MAGI3: variants seen among roughly 807,000 people sequenced by gnomAD.
The protein encoded by MAGI3 is membrane associated guanylate kinase, WW and PDZ domain containing 3, also known as membrane-associated guanylate kinase, WW and PDZ domain-containing protein 3.
A neutral mutation model predicts 121.8 loss-of-function variants in MAGI3; 43 were observed. The ratio of observed to expected loss-of-function variants is 0.35; its 90% confidence interval spans 0.28 to 0.46. The LOEUF (loss-of-function observed/expected upper bound fraction) is 0.46, where lower values mean the gene tolerates loss of function less well. Ranked by LOEUF, MAGI3 falls within the 20% of genes least tolerant of loss-of-function variation. The pLI, the probability that MAGI3 is intolerant of heterozygous loss-of-function variation, is 1.00. For synonymous variants in MAGI3, 553 were observed against 639.3 expected (o/e 0.86, Z 2.04); for missense variants, 1,547 against 1,797.3 (o/e 0.86, Z 2.52).
chr1:113,672,374 C>G (rs1420381014), intron 17 of MAGI3, among the ~76,000 whole-genome samples: 2 of 152,138 alleles, frequency 1.3e-5, no homozygotes, highest in Non-Finnish European at 2.9e-5. Context: ...TTGATATAAA[C>G]TGCTCTGAGA....
intron 18 of MAGI3, 21 bp from the exon 19 acceptor site, chr1:113,673,301 C>T: frequency 6.2e-7 from 1 of 1,604,866 alleles, no homozygotes; most frequent in Non-Finnish European, 8.5e-7. Context: ...ACTTGCTTTT[C>T]TTATACTTCT....
chr1:113,594,613 C>A, intron 6 of MAGI3, 53 bp downstream of exon 6: 1 of 1,460,824 alleles, frequency 6.8e-7, no homozygotes, highest in Non-Finnish European at 9.4e-7. Context: ...TCCTTTCTTG[C>A]TCTTCTTGCT....
intron 18 of MAGI3, 114 bp from the exon 19 acceptor site, chr1:113,673,208 G>A (rs950195788): frequency 1.9e-4 from 236 of 1,257,014 alleles, no homozygotes; most frequent in Non-Finnish European, 2.4e-4. Flanking sequence ...TTACAATATA[G>A]AAATGCACAT....
At chr1:113,486,302 T>C (rs1289211644) in intron 1 of MAGI3, among the ~76,000 whole-genome samples, 1 of 152,224 alleles carries the variant, frequency 6.6e-6, no homozygotes, top group Non-Finnish European at 1.5e-5. Context: ...CTTTTGGCCG[T>C]ATGGTCATTT....
intron 1 of MAGI3, among the ~76,000 whole-genome samples, chr1:113,478,433 TTGACGTTGA>T (rs1260898181): frequency 6.6e-6 from 1 of 152,146 alleles, no homozygotes; most frequent in Non-Finnish European, 1.5e-5. Flanking sequence ...GACCTTTTTG[TTGACGTTGA>T]TGCTATTCCT....
At chr1:113,662,515 A>T (rs1377650567) in intron 16 of MAGI3, among the ~76,000 whole-genome samples, 4 of 152,180 alleles carry the variant, frequency 2.6e-5, no homozygotes, top group Non-Finnish European at 5.9e-5. Context: ...AGTGAACATG[A>T]CTTACCAAAG....
At chr1:113,512,467 T>C (rs184305970) in intron 1 of MAGI3, among the ~76,000 whole-genome samples, 1 of 152,352 alleles carries the variant, frequency 6.6e-6, no homozygotes, top group East Asian at 1.9e-4. Context: ...TTATTCTTTC[T>C]CCTCAACATG....
Position 113,683,631 on chromosome 1 carries a change from G to C in MAGI3, c.4063G>C (p.Glu1355Gln), listed in dbSNP as rs1434797399. Residue 1355 changes from glutamate (E) to glutamine (Q), a missense_variant, in exon 21 of 21, where the codon GAG becomes CAG. By Grantham distance (29) the Glu-to-Gln change is conservative. Transcript: ENST00000307546. ...QLEKSRTRSP[E>Q]KKIKRMVEKS... ...GGAAAAAAGCAGAACAAGGTCTCCAGAGAAAAAAATCAAAAGAATGGTTGA... is the reference window on the plus strand; with the variant it reads ...GGAAAAAAGCAGAACAAGGTCTCCACAGAAAAAAATCAAAAGAATGGTTGA... 6.2e-7 allele frequency: 1 copy of C among 1,612,830 alleles called. No individual in the cohort carries two copies. Among genetic ancestry groups the C allele is most frequent in the Non-Finnish European group, 8.5e-7 (1 of 1,179,552 alleles).
At chr1:113,423,896 G>A (rs1652860570) in intron 1 of MAGI3, among the ~76,000 whole-genome samples, 1 of 152,126 alleles carries the variant, frequency 6.6e-6, no homozygotes, top group Admixed American at 6.5e-5. Context: ...TGGCGGGTGG[G>A]GTGGGGGCGG....
intron 1 of MAGI3, among the ~76,000 whole-genome samples, chr1:113,413,592 A>C (rs1451656486): frequency 6.6e-6 from 1 of 152,084 alleles, no homozygotes; most frequent in African/African-American, 2.4e-5. Flanking sequence ...GAGGTCCTTC[A>C]CATCCCTGGT....
At chr1:113,678,367 T>C (rs1217174620) in intron 19 of MAGI3, among the ~76,000 whole-genome samples, 1 of 152,216 alleles carries the variant, frequency 6.6e-6, no homozygotes, top group Admixed American at 6.5e-5. Flanking sequence ...AATCTAAGTA[T>C]TGGCTTTTGT....
At chr1:113,672,040 C>A (rs1269387284) in intron 17 of MAGI3, among the ~76,000 whole-genome samples, 1 of 152,192 alleles carries the variant, frequency 6.6e-6, no homozygotes, top group Non-Finnish European at 1.5e-5. Context: ...CCTCTTCCAG[C>A]CTCCATCCCA....
chr1:113,514,949 C>T (rs556886336), intron 1 of MAGI3, among the ~76,000 whole-genome samples: 6 of 152,120 alleles, frequency 3.9e-5, no homozygotes, highest in African/African-American at 1.4e-4. Context: ...ATTCTCACAT[C>T]TAGTAGTTCT....
At chr1:113,536,333 T>A (rs1658996196) in intron 1 of MAGI3, among the ~76,000 whole-genome samples, 1 of 152,174 alleles carries the variant, frequency 6.6e-6, no homozygotes. Context: ...GAATGAGTCA[T>A]CTAATACAGT....
chr1:113,429,530 C>T (rs577078501), intron 1 of MAGI3, among the ~76,000 whole-genome samples: 1 of 152,158 alleles, frequency 6.6e-6, no homozygotes, highest in East Asian at 1.9e-4. Context: ...AAGTAGTGGC[C>T]CACAATCAGT....
chr1:113,633,825 G>C (rs1242970463), intron 9 of MAGI3, among the ~76,000 whole-genome samples: 2 of 152,044 alleles, frequency 1.3e-5, no homozygotes, highest in African/African-American at 4.8e-5. Context: ...ACTTCCACAA[G>C]GGTTGAACTA....
chr1:113,432,232 A>T (rs1653335720), intron 1 of MAGI3, among the ~76,000 whole-genome samples: 1 of 152,240 alleles, frequency 6.6e-6, no homozygotes, highest in African/African-American at 2.4e-5. Context: ...GCCAACACTT[A>T]TGTTGTACAT....
intron 1 of MAGI3, among the ~76,000 whole-genome samples, chr1:113,440,366 A>G (rs17461007): frequency 0.052 from 7,903 of 152,260 alleles, 248 homozygotes; most frequent in Non-Finnish European, 0.074. Context: ...GATAGTCTTC[A>G]ATGACTTAAG....
intron 1 of MAGI3, among the ~76,000 whole-genome samples, chr1:113,426,246 A>G (rs1172214898): frequency 6.6e-6 from 1 of 152,136 alleles, no homozygotes; most frequent in Non-Finnish European, 1.5e-5. Context: ...GTTGGATTCC[A>G]TTATGGTCAG....
Sources: allele counts gnomAD v4.1 joint callset (sites outside exome capture counted in the v4.1 genomes callset), GRCh38; gene constraint gnomAD v4.1.1; transcripts MANE v1.5; gene names NCBI Gene and HGNC (gene_info 2026-07-23, HGNC 2026-07-21).